The following RABGAP1L variants were observed in gnomAD, a reference collection of about 807,000 sequenced individuals.
RABGAP1L encodes the protein rab GTPase-activating protein 1-like.
In RABGAP1L, 63 loss-of-function variants were observed where a neutral mutation model predicts 137.7. The ratio of observed to expected loss-of-function variants is 0.46; its 90% CI spans 0.37 to 0.56. The LOEUF is 0.56. RABGAP1L is among the 20% of genes least tolerant of loss of function. The pLI, the probability that RABGAP1L is intolerant of heterozygous loss-of-function variation, is 0.00. For synonymous variants in RABGAP1L, 431 were observed against 433.7 expected (o/e 0.99, Z 0.08); for missense variants, 1,095 against 1,244.0 (o/e 0.88, Z 1.80).
At position 174,497,574 on chromosome 1, in the gene RABGAP1L, A is replaced by T. The variant is rs1039287381; in HGVS notation, c.1710+103429A>T. Among the ~76,000 whole-genome samples the T allele has an allele frequency of 2.0e-5, 3 of 151,898 alleles. No individual in the cohort carries two copies. The East Asian group carries it at 5.8e-4, about 29-fold the overall frequency. On this transcript the variant is annotated intron_variant, in intron 13 of 25. Transcript: ENST00000681986. Reference sequence around the variant, plus strand: ...TTTCTGGTCCTTCTCTGTTGCATGAATTCTATTTCCCTCCTTTTATTGCCT... The same window carrying T: ...TTTCTGGTCCTTCTCTGTTGCATGATTTCTATTTCCCTCCTTTTATTGCCT...
chr1:174,435,538 G>T (rs1653161452), intron 13 of RABGAP1L, among the ~76,000 whole-genome samples: 1 of 151,804 alleles, frequency 6.6e-6, no homozygotes, highest in South Asian at 2.1e-4. Flanking sequence ...CTTTTTCCTT[G>T]ATTTGTTTTA....
chr1:174,494,420 A>G (rs1264483479), intron 13 of RABGAP1L, among the ~76,000 whole-genome samples: 4 of 152,154 alleles, frequency 2.6e-5, no homozygotes, highest in African/African-American at 4.8e-5. Context: ...ATTAGGGAAA[A>G]GTTTTCCTTG....
chr1:174,350,004 T>C (rs1412250647), intron 11 of RABGAP1L, among the ~76,000 whole-genome samples: 1 of 87,068 alleles, frequency 1.1e-5, no homozygotes, highest in Non-Finnish European at 2.3e-5. Context: ...CTGGCCGGGC[T>C]GAGGGGCTCC....
At chr1:174,865,314 G>A (rs969331845) in intron 19 of RABGAP1L, among the ~76,000 whole-genome samples, 7 of 152,062 alleles carry the variant, frequency 4.6e-5, no homozygotes, top group African/African-American at 1.4e-4. Flanking sequence ...GCATTCCAGC[G>A]TGGGTGACAG....
intron 15 of RABGAP1L, among the ~76,000 whole-genome samples, chr1:174,686,644 C>G (rs332765): frequency 7.6e-6 from 1 of 131,668 alleles, no homozygotes; most frequent in Non-Finnish European, 1.7e-5. Context: ...TTGAACAAAG[C>G]AATCTTTTTT....
chr1:174,547,965 T>TTA, intron 13 of RABGAP1L: 1 of 1,550,546 alleles, frequency 6.4e-7, no homozygotes, highest in East Asian at 2.4e-5. Flanking sequence ...TTCTGATTAC[T>TTA]TATACTTTTT....
At chr1:174,451,208 G>A (rs1243904150) in intron 13 of RABGAP1L, among the ~76,000 whole-genome samples, 1 of 152,086 alleles carries the variant, frequency 6.6e-6, no homozygotes, top group Non-Finnish European at 1.5e-5. Context: ...CCAGTTCAAG[G>A]AAAACAAAGT....
In RABGAP1L at chr1:174,618,759, C is replaced by G. The variant is rs1309895744; in HGVS notation, c.1711-18616C>G. ...CCTCTCCTCCTCCAAAAACGCAGCTCCTCAGCAGCAATGGAACTAAGCTGG... is the reference window on the plus strand; with the variant it reads ...CCTCTCCTCCTCCAAAAACGCAGCTGCTCAGCAGCAATGGAACTAAGCTGG... On this transcript the variant is annotated intron_variant, in intron 13 of 25. Transcript: ENST00000681986. 3.3e-5 allele frequency among the ~76,000 whole-genome samples: 5 copies of G among 152,278 alleles called. No individual in the cohort carries two copies. In the South Asian group the frequency reaches 1.0e-3, roughly 32 times the overall value.
intron 13 of RABGAP1L, among the ~76,000 whole-genome samples, chr1:174,431,462 C>A (rs1421180997): frequency 6.6e-6 from 1 of 152,054 alleles, no homozygotes; most frequent in East Asian, 1.9e-4. Context: ...ATACCTGTTG[C>A]CATACTAAAA....
chr1:174,754,468 C>G (rs1205473032), intron 18 of RABGAP1L, among the ~76,000 whole-genome samples: 1 of 151,936 alleles, frequency 6.6e-6, no homozygotes, highest in Non-Finnish European at 1.5e-5. Context: ...GTTCAAATTG[C>G]TGGGTTTTTT....
intron 17 of RABGAP1L, among the ~76,000 whole-genome samples, chr1:174,730,138 TCATGTC>T (rs1289459785): frequency 2.0e-5 from 3 of 152,072 alleles, no homozygotes; most frequent in Non-Finnish European, 4.4e-5. Context: ...AAGAACAAAA[TCATGTC>T]GCTTAAAGCA....
chr1:174,381,646 A>T (rs1305558046), intron 12 of RABGAP1L, among the ~76,000 whole-genome samples: 3 of 110,000 alleles, frequency 2.7e-5, no homozygotes, highest in Admixed American at 8.5e-5. Flanking sequence ...TGCTTGGTAG[A>T]TCTTCCTCCA....
chr1:174,301,305 G>T (rs1370692748), intron 10 of RABGAP1L, among the ~76,000 whole-genome samples: 1 of 151,178 alleles, frequency 6.6e-6, no homozygotes, highest in African/African-American at 2.4e-5. Context: ...AAGCCCCTGA[G>T]GGGGTGTTAC....
At chr1:174,590,135 T>C (rs978304994) in intron 13 of RABGAP1L, among the ~76,000 whole-genome samples, 10 of 142,748 alleles carry the variant, frequency 7.0e-5, no homozygotes, top group Non-Finnish European at 1.2e-4. Context: ...TTTTTTTTTT[T>C]TTTTTTTTTT....
intron 13 of RABGAP1L, among the ~76,000 whole-genome samples, chr1:174,408,339 A>C (rs867421509): frequency 3.9e-5 from 6 of 152,016 alleles, no homozygotes; most frequent in African/African-American, 4.8e-5. Flanking sequence ...TTTTTTTGTT[A>C]ATTTGGTTAG....
At chr1:174,534,740 A>C (rs1210713827) in intron 13 of RABGAP1L, among the ~76,000 whole-genome samples, 1 of 136,726 alleles carries the variant, frequency 7.3e-6, no homozygotes, top group Non-Finnish European at 1.5e-5. Context: ...ATGCCACTGC[A>C]CTCCAGCTTG....
chr1:174,292,129 C>T (rs1336781543), intron 10 of RABGAP1L, among the ~76,000 whole-genome samples: 3 of 149,974 alleles, frequency 2.0e-5, no homozygotes, highest in Non-Finnish European at 4.4e-5. Context: ...TGTTGAACTC[C>T]TGGGCTCAAG....
intron 1 of RABGAP1L, among the ~76,000 whole-genome samples, chr1:174,196,037 G>T (rs1264108409): frequency 2.0e-5 from 3 of 150,548 alleles, no homozygotes; most frequent in Admixed American, 6.6e-5. Context: ...GGGTTTCACC[G>T]TTTTAGCCAG....
intron 19 of RABGAP1L, among the ~76,000 whole-genome samples, chr1:174,846,423 T>G (rs916943817): frequency 7.3e-5 from 11 of 151,578 alleles, no homozygotes; most frequent in Middle Eastern, 6.9e-3. Flanking sequence ...TCTGGTATGT[T>G]GTGTCTTTGT....
Sources: gnomAD v4.1 joint callset for allele counts (sites outside exome capture counted in the v4.1 genomes callset) on GRCh38, gnomAD v4.1.1 for gene constraint, MANE v1.5 for transcripts, NCBI Gene and HGNC (gene_info 2026-07-23, HGNC 2026-07-21) for gene names.